The following FSTL4 variants were observed in gnomAD, a reference collection of about 807,000 sequenced individuals.
The protein encoded by FSTL4 is follistatin like 4.
FSTL4 carries 28 observed loss-of-function variants against 78.2 expected under a neutral mutation model. The observed-to-expected ratio is 0.36, with a 90% confidence interval of 0.27 to 0.49. FSTL4 has a LOEUF of 0.49. Among genes scored for constraint, FSTL4 ranks in the 20% least tolerant of loss-of-function variants. The pLI is 0.98. For missense variants in FSTL4, 922 were observed against 1,084.9 expected (o/e 0.85, Z 2.11); for synonymous variants, 422 against 440.5 (o/e 0.96, Z 0.53).
chr5:133,357,741 C>A (rs1324640714), intron 4 of FSTL4, among the ~76,000 whole-genome samples: 1 of 152,124 alleles, frequency 6.6e-6, no homozygotes, highest in African/African-American at 2.4e-5. Context: ...TGGCCTCTCT[C>A]CCTAGCACCC....
chr5:133,517,608 TTGTGTG>T (rs34680612), intron 3 of FSTL4, among the ~76,000 whole-genome samples: 1 of 139,438 alleles, frequency 7.2e-6, no homozygotes, highest in African/African-American at 2.7e-5. Flanking sequence ...ATAGAACTAA[TTGTGTG>T]TGTGTGTGTG....
At chr5:133,543,504 T>C (rs542450178) in intron 3 of FSTL4, among the ~76,000 whole-genome samples, 1 of 152,272 alleles carries the variant, frequency 6.6e-6, no homozygotes, top group Non-Finnish European at 1.5e-5. Context: ...ATAGTTATTA[T>C]CTTCCTGGTG....
chr5:133,472,250 A>G (rs1757840010), intron 3 of FSTL4, among the ~76,000 whole-genome samples: 1 of 152,250 alleles, frequency 6.6e-6, no homozygotes, highest in South Asian at 2.1e-4. Context: ...TCAATCAAGT[A>G]CAAGTACAGA....
chr5:133,425,791 A>G (rs777798991), intron 3 of FSTL4, among the ~76,000 whole-genome samples: 3 of 152,252 alleles, frequency 2.0e-5, no homozygotes, highest in Non-Finnish European at 4.4e-5. Context: ...TCCTGCCCTC[A>G]AAGCTTATGA....
chr5:133,672,856 G>T, the FSTL4 span, among the ~76,000 whole-genome samples: 78 of 152,312 alleles, frequency 5.1e-4, no homozygotes, highest in African/African-American at 1.8e-3. Context: ...TGCCAAGGTT[G>T]ACTATGCACC....
chr5:133,827,927 C>G, the FSTL4 span, among the ~76,000 whole-genome samples: 3 of 152,130 alleles, frequency 2.0e-5, no homozygotes, highest in Non-Finnish European at 4.4e-5. Flanking sequence ...GCTATCCCAG[C>G]CCCCTGGGCA....
At chr5:133,441,711 C>T (rs1757162084) in intron 3 of FSTL4, among the ~76,000 whole-genome samples, 1 of 152,194 alleles carries the variant, frequency 6.6e-6, no homozygotes, top group South Asian at 2.1e-4. Context: ...TTCCCCACTC[C>T]AGCAATGTTG....
chr5:133,427,664 T>C (rs752459499), intron 3 of FSTL4: 2 of 530,610 alleles, frequency 3.8e-6, no homozygotes, highest in Admixed American at 1.9e-5. Context: ...TCAGTAGTTC[T>C]GAGGCAGGGT....
At chr5:133,492,008 A>G (rs544113151) in intron 3 of FSTL4, among the ~76,000 whole-genome samples, 7 of 152,240 alleles carry the variant, frequency 4.6e-5, no homozygotes, top group African/African-American at 1.7e-4. Flanking sequence ...CTGAACTGCA[A>G]TCTACTGAGC....
the FSTL4 span, among the ~76,000 whole-genome samples, chr5:133,841,838 G>A: frequency 2.0e-5 from 3 of 152,092 alleles, no homozygotes. Context: ...AGAGGAGGTG[G>A]AAGGTGCAAA....
intron 3 of FSTL4, among the ~76,000 whole-genome samples, chr5:133,544,990 C>T (rs1022812317): frequency 9.2e-5 from 14 of 152,096 alleles, no homozygotes; most frequent in Admixed American, 6.6e-5. Context: ...TGGTATTTGT[C>T]CCTGGTTTCT....
intron 2 of FSTL4, among the ~76,000 whole-genome samples, chr5:133,602,939 C>T (rs551388529): frequency 3.3e-5 from 5 of 152,162 alleles, no homozygotes; most frequent in Non-Finnish European, 5.9e-5. Context: ...GGAATGTTGA[C>T]TTTTTGAGGT....
the FSTL4 span, among the ~76,000 whole-genome samples, chr5:133,786,905 C>T: frequency 6.6e-6 from 1 of 152,208 alleles, no homozygotes; most frequent in Non-Finnish European, 1.5e-5. Flanking sequence ...TCACCATTCT[C>T]ATTTCACAGA....
chr5:133,215,827 G>A (rs879747460), intron 13 of FSTL4, among the ~76,000 whole-genome samples: 36 of 152,126 alleles, frequency 2.4e-4, no homozygotes, highest in Non-Finnish European at 2.8e-4. Context: ...TTCAAAGACA[G>A]CAATTCAGCA....
At chr5:133,602,640 C>T (rs1760896662) in intron 2 of FSTL4, among the ~76,000 whole-genome samples, 1 of 152,164 alleles carries the variant, frequency 6.6e-6, no homozygotes, top group Non-Finnish European at 1.5e-5. Context: ...GCTGTTCTCA[C>T]CAGCAAGCCA....
At chr5:133,601,569 G>C (rs781701742) in intron 2 of FSTL4, among the ~76,000 whole-genome samples, 1 of 152,216 alleles carries the variant, frequency 6.6e-6, no homozygotes, top group African/African-American at 2.4e-5. Flanking sequence ...CAGGGGCATG[G>C]GGGTGCATGG....
At chr5:133,368,345 T>C (rs768582785) in intron 4 of FSTL4, among the ~76,000 whole-genome samples, 2 of 152,176 alleles carry the variant, frequency 1.3e-5, no homozygotes, top group Non-Finnish European at 2.9e-5. Flanking sequence ...GCTCTGAGTG[T>C]ATTGTCACAC....
At position 133,196,843 on chromosome 5, in the gene FSTL4, C is replaced by G. The variant is rs957093549; in HGVS notation, c.*2252G>C. 1 of 152,314 alleles carries G rather than the reference C, an allele frequency of 6.6e-6. No individual in the cohort carries two copies. Among genetic ancestry groups the G allele is most frequent in the Non-Finnish European group, 1.5e-5 (1 of 68,108 alleles). 9.4% of individuals were successfully genotyped at this position (152,314 alleles called of 1,614,324 possible). ...TGACTTTGCCTCCTGGGGCTGGACTCCTGAAACCCTGACCTAGGCTTCAGG... is the reference window on the plus strand; with the variant it reads ...TGACTTTGCCTCCTGGGGCTGGACTGCTGAAACCCTGACCTAGGCTTCAGG... On this transcript the variant is annotated 3_prime_UTR_variant, in exon 16 of 16. Coordinates refer to ENST00000265342, the MANE Select transcript of FSTL4 (RefSeq NM_015082.2).
At chr5:133,785,874 A>G in the FSTL4 span, among the ~76,000 whole-genome samples, 1 of 152,214 alleles carries the variant, frequency 6.6e-6, no homozygotes, top group Non-Finnish European at 1.5e-5. Context: ...CCTAGTCACC[A>G]GCAGCATGCA....
Sources: gnomAD v4.1 joint callset for allele counts (sites outside exome capture counted in the v4.1 genomes callset) on GRCh38, gnomAD v4.1.1 for gene constraint, MANE v1.5 for transcripts, NCBI Gene and HGNC (gene_info 2026-07-23, HGNC 2026-07-21) for gene names.